GALNT18: variants seen among roughly 807,000 people sequenced by gnomAD.
The protein encoded by GALNT18 is GalNAc-transferase 18.
Under a neutral mutation model 69.5 loss-of-function variants are expected in GALNT18, and 44 were observed. That is an observed-to-expected ratio of 0.63 (90% CI 0.50 to 0.81). The LOEUF (loss-of-function observed/expected upper bound fraction) is 0.81. Ranked by LOEUF, GALNT18 falls within the 40% of genes least tolerant of loss-of-function variation. The probability of loss-of-function intolerance (pLI) is 0.00; values close to 1 mark genes in which losing one functional copy is unlikely to be tolerated. For missense variants in GALNT18, 715 were observed against 810.0 expected (o/e 0.88, Z 1.42); for synonymous variants, 364 against 318.2 (o/e 1.14, Z -1.53).
chr11:11,577,686 C>A (rs1290046769), intron 1 of GALNT18, among the ~76,000 whole-genome samples: 1 of 152,178 alleles, frequency 6.6e-6, no homozygotes, highest in Non-Finnish European at 1.5e-5. Flanking sequence ...GATTCGGGAC[C>A]ATGCCCTAGG....
intron 6 of GALNT18, among the ~76,000 whole-genome samples, chr11:11,355,089 C>T (rs115194017): frequency 1.8e-3 from 278 of 152,298 alleles, no homozygotes; most frequent in East Asian, 0.017. Context: ...GGTCTTTCTG[C>T]GTTGTCGTGT....
At chr11:11,593,818 T>C (rs1421981307) in intron 1 of GALNT18, among the ~76,000 whole-genome samples, 1 of 152,164 alleles carries the variant, frequency 6.6e-6, no homozygotes, top group Non-Finnish European at 1.5e-5. Flanking sequence ...CTTTCTCAAT[T>C]GCACTGTCAA....
At chr11:11,561,008 T>C (rs1215772309) in intron 1 of GALNT18, among the ~76,000 whole-genome samples, 1 of 152,234 alleles carries the variant, frequency 6.6e-6, no homozygotes, top group Non-Finnish European at 1.5e-5. Flanking sequence ...ACCTTTTCTT[T>C]CTTTGATGGC....
chr11:11,560,185 T>C (rs796490866), intron 1 of GALNT18, among the ~76,000 whole-genome samples: 1,465 of 27,070 alleles, frequency 0.054, 3 homozygotes, highest in Middle Eastern at 0.17. Flanking sequence ...GAATGAGATA[T>C]GATGGGATGG....
intron 1 of GALNT18, among the ~76,000 whole-genome samples, chr11:11,472,039 T>A (rs956168112): frequency 6.6e-6 from 1 of 152,234 alleles, no homozygotes; most frequent in African/African-American, 2.4e-5. Context: ...TTGGGTTTTA[T>A]TTAGGGATTG....
chr11:11,544,894 C>T (rs1400210043), intron 1 of GALNT18, among the ~76,000 whole-genome samples: 1 of 152,204 alleles, frequency 6.6e-6, no homozygotes, highest in Non-Finnish European at 1.5e-5. Context: ...GTAACTTGCA[C>T]TAGACCACAC....
At chr11:11,428,952 A>G (rs1855203220) in intron 3 of GALNT18, among the ~76,000 whole-genome samples, 1 of 152,046 alleles carries the variant, frequency 6.6e-6, no homozygotes, top group African/African-American at 2.4e-5. Flanking sequence ...CTTACTGTAG[A>G]GGATGGTAAT....
At chr11:11,429,227 T>A (rs1166780656) in intron 3 of GALNT18, among the ~76,000 whole-genome samples, 1 of 152,188 alleles carries the variant, frequency 6.6e-6, no homozygotes, top group Non-Finnish European at 1.5e-5. Flanking sequence ...ACAGTTCTCT[T>A]ATTCCTGAAA....
In GALNT18 at chr11:11,341,681, C is replaced by T. The variant is rs574956275; in HGVS notation, c.1093-677G>A. The stretch of plus-strand genomic sequence containing the variant: ...TTAATGGGCAGCATCTCAAAGCTCT[C>T]GCTACAATCTTTCCAGCCATCCTGA... On this transcript the variant is annotated intron_variant, in intron 6 of 10. Coordinates refer to ENST00000227756, the MANE Select transcript of GALNT18 (RefSeq NM_198516.3). This position sits in a 1 kb window ranked among gnomAD's most constrained non-coding sequence, Gnocchi z 6.3. Among the ~76,000 whole-genome samples, 25 of 152,314 alleles carry T rather than the reference C, an allele frequency of 1.6e-4. No individual in the cohort carries two copies. The highest frequency in any genetic ancestry group is 3.9e-4 in the Admixed American group (6 of 15,306).
intron 3 of GALNT18, among the ~76,000 whole-genome samples, chr11:11,397,327 G>A (rs1326336034): frequency 1.6e-4 from 24 of 152,170 alleles, no homozygotes; most frequent in Admixed American, 1.6e-3. Flanking sequence ...ATCAAAGAGT[G>A]TATGGGAAAG....
chr11:11,501,186 A>G (rs554389372), intron 1 of GALNT18, among the ~76,000 whole-genome samples: 7 of 152,370 alleles, frequency 4.6e-5, no homozygotes, highest in Non-Finnish European at 7.3e-5. Context: ...TTTATTCAGT[A>G]ATTCACTCAA....
At chr11:11,317,344 T>C (rs530382857) in intron 9 of GALNT18, among the ~76,000 whole-genome samples, 11 of 152,224 alleles carry the variant, frequency 7.2e-5, no homozygotes, top group African/African-American at 2.7e-4. Flanking sequence ...AAGCTGTCTT[T>C]GGGTCTCCAA....
At chr11:11,615,384 A>G (rs1860019931) in intron 1 of GALNT18, among the ~76,000 whole-genome samples, 1 of 152,238 alleles carries the variant, frequency 6.6e-6, no homozygotes, top group Non-Finnish European at 1.5e-5. Flanking sequence ...AACTTTCAGG[A>G]AACAAAATGC....
intron 1 of GALNT18, among the ~76,000 whole-genome samples, chr11:11,473,434 G>C (rs76570005): frequency 0.034 from 5,236 of 152,242 alleles, 213 homozygotes; most frequent in African/African-American, 0.1. Flanking sequence ...TCAACATAAA[G>C]GTGTCTTAGT....
At chr11:11,397,904 C>G (rs1350783855) in intron 3 of GALNT18, among the ~76,000 whole-genome samples, 1 of 152,202 alleles carries the variant, frequency 6.6e-6, no homozygotes, top group Admixed American at 6.5e-5. Flanking sequence ...CAATGGCATA[C>G]TGTATGAGAT....
chr11:11,486,836 T>C (rs967007593), intron 1 of GALNT18, among the ~76,000 whole-genome samples: 2 of 152,206 alleles, frequency 1.3e-5, no homozygotes, highest in Non-Finnish European at 2.9e-5. Flanking sequence ...AAGACCCCCA[T>C]GTGCTAAAAG....
chr11:11,548,632 CAAT>C (rs766827104), intron 1 of GALNT18, among the ~76,000 whole-genome samples: 6 of 152,238 alleles, frequency 3.9e-5, no homozygotes, highest in Non-Finnish European at 8.8e-5. Context: ...TCCTCTCCAT[CAAT>C]AATGACTTTG....
intron 1 of GALNT18, among the ~76,000 whole-genome samples, chr11:11,529,182 G>A (rs1303206637): frequency 1.3e-5 from 2 of 152,226 alleles, no homozygotes; most frequent in Non-Finnish European, 1.5e-5. Context: ...GATTTCATGT[G>A]TCAACTTGTC....
rs538814141 is a variant in GALNT18, at chr11:11,376,458, G to A, written c.977+724C>T. 8.6e-5 allele frequency among the ~76,000 whole-genome samples: 13 copies of A among 151,756 alleles called. 1 individual carries two copies. The South Asian group carries it at 1.0e-3, about 12-fold the overall frequency. The stretch of plus-strand genomic sequence containing the variant: ...GGAGGAGTCCTGAACCTTAAAAGCC[G>A]AGACCACACAAGGGAGTCATTCATG... On this transcript the variant is annotated intron_variant, in intron 5 of 10. Coordinates refer to ENST00000227756, the MANE Select transcript of GALNT18 (RefSeq NM_198516.3).
Sources: gnomAD v4.1 joint callset for allele counts (sites outside exome capture counted in the v4.1 genomes callset) on GRCh38, gnomAD v4.1.1 for gene constraint, Gnocchi (gnomAD v3.1) non-coding constraint, MANE v1.5 for transcripts, NCBI Gene and HGNC (gene_info 2026-07-23, HGNC 2026-07-21) for gene names.